Variants in FCHO1 observed in about 807,000 individuals in gnomAD.
FCHO1 encodes the protein F-BAR domain only protein 1.
FCHO1 carries 45 observed loss-of-function variants against 114.4 expected under a neutral mutation model. The ratio of observed to expected loss-of-function variants is 0.39; its 90% CI spans 0.31 to 0.50. FCHO1 has a LOEUF of 0.50. Ranked by LOEUF, FCHO1 falls within the 20% of genes least tolerant of loss-of-function variation. The pLI is 0.77. For synonymous variants in FCHO1, 480 were observed against 488.9 expected, an observed-to-expected ratio of 0.98 and a Z score of 0.24; for missense variants, 1,042 against 1,209.6, an observed-to-expected ratio of 0.86 and a Z score of 2.06.
Position 17,776,502 on chromosome 19 carries a change from C to T in FCHO1, c.1208-133C>T, listed in dbSNP as rs879103180. On this transcript the variant is annotated intron_variant, in intron 17 of 28. Transcript: ENST00000596536. The surrounding 1 kb of genome is among the most constrained non-coding windows in gnomAD (Gnocchi z 4.4). ...GAGACAGGCTCGCTTAGGCTTGAATCCATGTCTGCCTGATTTGCTGATCAC... is the reference window on the plus strand; with the variant it reads ...GAGACAGGCTCGCTTAGGCTTGAATTCATGTCTGCCTGATTTGCTGATCAC... 2.7e-6 allele frequency: 3 copies of T among 1,107,596 alleles called. No homozygotes were observed. Among genetic ancestry groups the T allele is most frequent in the South Asian group, 2.6e-5 (2 of 75,854 alleles). 68.6% of individuals were successfully genotyped at this position (1,107,596 alleles called of 1,614,324 possible). A position where few individuals can be genotyped will look rare whatever the true frequency, so the allele number is the denominator to read the frequency against.
intron 23 of FCHO1, 50 bp downstream of exon 23, chr19:17,781,870 G>A: frequency 8.0e-7 from 1 of 1,255,034 alleles, no homozygotes; most frequent in Non-Finnish European, 1.1e-6. Flanking sequence ...TGTTGGGGGA[G>A]TCCAGCAGGG....
chr19:17,775,609 C>A lies in FCHO1; in HGVS notation c.1003+96C>A. 8.6e-7 allele frequency: 1 copy of A among 1,164,242 alleles called. No homozygotes were observed. The highest frequency in any genetic ancestry group is 1.3e-6 in the Non-Finnish European group (1 of 774,336). The allele number at this position is 1,164,242 out of a possible 1,614,324, so 72.1% of individuals were successfully genotyped here. A position where few individuals can be genotyped will look rare whatever the true frequency, so the allele number is the denominator to read the frequency against. ...CACCTTCAGCAGTCCTCTCTGTGTACATCCTGGAGAGAGTCTCCTTTGTGG... is the reference window on the plus strand; with the variant it reads ...CACCTTCAGCAGTCCTCTCTGTGTAAATCCTGGAGAGAGTCTCCTTTGTGG... On this transcript the variant is annotated intron_variant, in intron 15 of 28. Coordinates refer to ENST00000596536, the MANE Select transcript of FCHO1 (RefSeq NM_015122.3). The surrounding 1 kb of genome is among the most constrained non-coding windows in gnomAD (Gnocchi z 5.1).
At chr19:17,748,581 G>T (rs2081168386), upstream of FCHO1, among the ~76,000 whole-genome samples, 1 of 151,002 alleles carries the variant, frequency 6.6e-6, no homozygotes, top group Non-Finnish European at 1.5e-5. Context: ...AAAATAAATC[G>T]AGGTAAATTA....
intron 24 of FCHO1, among the ~76,000 whole-genome samples, chr19:17,783,486 TCA>T (rs1489390031): frequency 1.3e-5 from 2 of 152,014 alleles, no homozygotes; most frequent in African/African-American, 4.8e-5. Flanking sequence ...CAGGCTGGTC[TCA>T]AACTCCTGAG....
chr19:17,783,270 T>TC (rs1280334194), intron 24 of FCHO1, 98 bp downstream of exon 24: 5 of 1,272,266 alleles, frequency 3.9e-6, no homozygotes, highest in Non-Finnish European at 5.4e-6. Context: ...TTTTTTCTTT[T>TC]CTTTTTTTTT....
chr19:17,761,091 C>T (rs776379800), intron 4 of FCHO1, among the ~76,000 whole-genome samples: 1 of 152,170 alleles, frequency 6.6e-6, no homozygotes, highest in Non-Finnish European at 1.5e-5. Flanking sequence ...CATTCGCAGG[C>T]ACCAGGGTAG....
chr19:17,777,406 C>A (rs1168382968), intron 18 of FCHO1, among the ~76,000 whole-genome samples: 1 of 151,340 alleles, frequency 6.6e-6, no homozygotes, highest in Non-Finnish European at 1.5e-5. Flanking sequence ...CATGGTGGCA[C>A]ATGCCTGTAA....
At position 17,784,247 on chromosome 19, in the gene FCHO1, G is replaced by A. The variant is rs769161171; in HGVS notation, c.2226+12G>A. 31 of 1,587,274 alleles carry A rather than the reference G, an allele frequency of 2.0e-5. No individual in the cohort carries two copies. The highest frequency in any genetic ancestry group is 5.5e-5 in the Admixed American group (3 of 54,838). On this transcript the variant is annotated intron_variant, in intron 25 of 28. Transcript: ENST00000596536. The surrounding 1 kb of genome is among the most constrained non-coding windows in gnomAD (Gnocchi z 5.3). ...TGCTGCGATACCAGGTGCGCCACCCGCATGGGGCCGGGAGGAGGTGGTGGA... is the reference window on the plus strand; with the variant it reads ...TGCTGCGATACCAGGTGCGCCACCCACATGGGGCCGGGAGGAGGTGGTGGA...
rs2091295981 is a variant in FCHO1, at chr19:17,770,858, C to G, written c.556C>G (p.Arg186Gly). ...CTCAGTGGAAAAATACAACTCAGCC[C>G]GAGCTGACTTTGAGCAGAAGATGCT... ...RRSVEKYNSA[R>G]ADFEQKMLDS... is the part of the protein sequence containing the mutation. Residue 186 changes from arginine to glycine, a missense_variant, in exon 9 of 29, where the codon CGA (arginine) becomes GGA (glycine). This residue lies in a region of FCHO1 where 450 missense variants were observed against 564.1 expected (regional missense o/e 0.80). Transcript: ENST00000596536. 1 of 1,614,112 alleles carries G rather than the reference C, an allele frequency of 6.2e-7. No individual in the cohort carries two copies. The highest frequency in any genetic ancestry group is 8.5e-7 in the Non-Finnish European group (1 of 1,180,016).
chr19:17,776,801 T>G lies in FCHO1; in HGVS notation c.1259+115T>G. Reference sequence around the variant, plus strand: ...CTGGGAGTTGACGTCATGCTGGGGTTTTTTTGTTTTTGTTTTTGTTTTGAG... The same window carrying G: ...CTGGGAGTTGACGTCATGCTGGGGTGTTTTTGTTTTTGTTTTTGTTTTGAG... On this transcript the variant is annotated intron_variant, in intron 18 of 28. Coordinates refer to ENST00000596536, the MANE Select transcript of FCHO1 (RefSeq NM_015122.3). This position sits in a 1 kb window ranked among gnomAD's most constrained non-coding sequence, Gnocchi z 4.4. 9.7e-7 allele frequency: 1 copy of G among 1,027,096 alleles called. No homozygotes were observed. The highest frequency in any genetic ancestry group is 1.4e-6 in the Non-Finnish European group (1 of 694,672). 63.6% of individuals were successfully genotyped at this position (1,027,096 alleles called of 1,614,324 possible). A position where few individuals can be genotyped will look rare whatever the true frequency, so the allele number is the denominator to read the frequency against.
rs143690841 is a variant in FCHO1 at position 17,769,652 on chromosome 19, C to T, written c.337-773C>T. 1.0e-2 allele frequency among the ~76,000 whole-genome samples: 1,513 copies of T among 151,952 alleles called. 16 individuals are homozygous for T. The highest frequency in any genetic ancestry group is 0.016 in the Non-Finnish European group (1,109 of 67,970). Reference sequence around the variant, plus strand: ...ACACACAAAACGGTGAGTTAAGCAACACAGTCTGCCACTGTTTGTCATAAA... The same window carrying T: ...ACACACAAAACGGTGAGTTAAGCAATACAGTCTGCCACTGTTTGTCATAAA... On this transcript the variant is annotated intron_variant, in intron 7 of 28. Coordinates refer to ENST00000596536, the MANE Select transcript of FCHO1 (RefSeq NM_015122.3).
upstream of FCHO1, among the ~76,000 whole-genome samples, chr19:17,750,893 C>T (rs538118758): frequency 6.2e-5 from 9 of 145,480 alleles, no homozygotes; most frequent in East Asian, 1.2e-3. Context: ...GGCGCAATCT[C>T]GGCTCACTGC....
chr19:17,781,316 C>T lies in FCHO1; in HGVS notation c.1713C>T (p.Cys571=), dbSNP rs780185861. The change falls in exon 21 of 29, where the codon TGC becomes TGT. Residue 571 remains cysteine, a synonymous_variant. Coordinates refer to ENST00000596536, the MANE Select transcript of FCHO1 (RefSeq NM_015122.3). Reference sequence around the variant, plus strand: ...GACTTCGCTCTAGGAAGGTGTCCTGCCCTCTCACACGTAGCAATGGGGACC... The same window carrying T: ...GACTTCGCTCTAGGAAGGTGTCCTGTCCTCTCACACGTAGCAATGGGGACC... ...PRRLRSRKVS[C]PLTRSNGDLS... 6 of 1,613,868 alleles carry T rather than the reference C, an allele frequency of 3.7e-6. No homozygotes were observed. Among genetic ancestry groups the T allele is most frequent in the South Asian group, 2.2e-5 (2 of 91,086 alleles).
In FCHO1 at chr19:17,788,372, C is replaced by T; in HGVS notation, c.*66C>T. On this transcript the variant is annotated 3_prime_UTR_variant, in exon 29 of 29. Transcript: ENST00000596536. Reference sequence around the variant, plus strand: ...GTGCTGGCTGACCACCCCCTGCCCTCCTGCCGGACCCTGGGGCCTCCCACC... The same window carrying T: ...GTGCTGGCTGACCACCCCCTGCCCTTCTGCCGGACCCTGGGGCCTCCCACC... 1 of 1,252,614 alleles carries T rather than the reference C, an allele frequency of 8.0e-7. No individual in the cohort carries two copies. Among genetic ancestry groups the T allele is most frequent in the Non-Finnish European group, 1.2e-6 (1 of 866,538 alleles). 77.6% of individuals were successfully genotyped at this position (1,252,614 alleles called of 1,614,324 possible). A position where few individuals can be genotyped will look rare whatever the true frequency, so the allele number is the denominator to read the frequency against.
In FCHO1 at chr19:17,784,818, T is replaced by TACCG; in HGVS notation, c.2321_2324dup (p.Gly777AlafsTer150). ...CACCCAGGTCTCAGTGGAGTACGGCTACCGGCCCGGTGCCACGGCTGTGCC... is the reference window on the plus strand; with the variant it reads ...CACCCAGGTCTCAGTGGAGTACGGCTACCGACCGGCCCGGTGCCACGGCTGTGCC... On this transcript the variant is annotated frameshift_variant, in exon 26 of 29. Transcript: ENST00000596536. LOFTEE classifies it high-confidence loss of function. The surrounding 1 kb of genome is among the most constrained non-coding windows in gnomAD (Gnocchi z 5.3). The TACCG allele has an allele frequency of 6.2e-7, 1 of 1,614,114 alleles. No individual in the cohort carries two copies. The highest frequency in any genetic ancestry group is 8.5e-7 in the Non-Finnish European group (1 of 1,180,032).
At chr19:17,760,045 A>G (rs1473597072) in intron 4 of FCHO1, among the ~76,000 whole-genome samples, 1 of 41,158 alleles carries the variant, frequency 2.4e-5, no homozygotes, top group Non-Finnish European at 4.3e-5. Flanking sequence ...CTGTTTTGCC[A>G]TCTTTTTTTT....
chr19:17,769,890 G>A (rs12974232), intron 7 of FCHO1, among the ~76,000 whole-genome samples: 42,913 of 151,806 alleles, frequency 0.28, 7,794 homozygotes, highest in Non-Finnish European at 0.41. Context: ...CAGGCCGGGC[G>A]TAGTGGCTCA....
chr19:17,788,445 G>A lies in FCHO1; in HGVS notation c.*139G>A, dbSNP rs2094111441. The A allele has an allele frequency of 4.7e-6, 3 of 634,370 alleles. No homozygotes were observed. Among genetic ancestry groups the A allele is most frequent in the Admixed American group, 6.1e-5 (2 of 32,860 alleles). 39.3% of individuals were successfully genotyped at this position (634,370 alleles called of 1,614,324 possible). ...TCCACGGAGAGGAGCCCCATGCCCA[G>A]CCTGGCTGAGCCCGAGATTCGCTCC... On this transcript the variant is annotated 3_prime_UTR_variant, in exon 29 of 29. Transcript: ENST00000596536.
Position 17,776,988 on chromosome 19 carries a change from G to A in FCHO1, c.1259+302G>A, listed in dbSNP as rs1012881048. On this transcript the variant is annotated intron_variant, in intron 18 of 28. Transcript: ENST00000596536. The surrounding 1 kb of genome is among the most constrained non-coding windows in gnomAD (Gnocchi z 4.4). ...AACTTTTGTATTTTTAGTAGAGACA[G>A]GGTTTCACCATGTTGGCCCGGCTGG... Among the ~76,000 whole-genome samples, 5 of 151,990 alleles carry A rather than the reference G, an allele frequency of 3.3e-5. No individual in the cohort carries two copies. The highest frequency in any genetic ancestry group is 5.9e-5 in the Non-Finnish European group (4 of 67,970).
Sources: allele counts gnomAD v4.1 joint callset (sites outside exome capture counted in the v4.1 genomes callset), GRCh38; gene constraint gnomAD v4.1.1; regional missense constraint gnomAD v4.1.1; non-coding constraint Gnocchi (gnomAD v3.1); transcripts MANE v1.5; gene names NCBI Gene and HGNC (gene_info 2026-07-23, HGNC 2026-07-21).